The following ZFP1 variants were observed in gnomAD, a reference collection of about 807,000 sequenced individuals.
ZFP1 encodes the protein zinc finger protein 1 homolog.
Under a neutral mutation model 38.5 loss-of-function variants are expected in ZFP1, and 32 were observed. The observed-to-expected ratio is 0.83, with a 90% CI of 0.63 to 1.12. The LOEUF is 1.12. ZFP1 is among the 50% of genes most tolerant of loss of function. ZFP1 has a pLI of 0.00. For missense variants in ZFP1, 616 were observed against 480.8 expected (o/e 1.28, Z -2.63); for synonymous variants, 245 against 168.8 (o/e 1.45, Z -3.50).
intron 2 of ZFP1, among the ~76,000 whole-genome samples, chr16:75,164,138 T>C (rs1740659980): frequency 6.6e-6 from 1 of 152,250 alleles, no homozygotes; most frequent in Admixed American, 6.5e-5. Flanking sequence ...GTTTTCAGGC[T>C]TTGTTACTTT....
chr16:75,142,902 A>T, the ZFP1 span, among the ~76,000 whole-genome samples: 1 of 152,106 alleles, frequency 6.6e-6, no homozygotes, highest in Non-Finnish European at 1.5e-5. Context: ...AGGTTTCACC[A>T]TATTGGCCAG....
the ZFP1 span, among the ~76,000 whole-genome samples, chr16:75,131,432 T>G: frequency 2.6e-5 from 4 of 152,172 alleles, no homozygotes; most frequent in African/African-American, 9.7e-5. Flanking sequence ...TTCTTGAAGC[T>G]AATTCCTAGC....
chr16:75,123,445 GTGTGTATA>G, the ZFP1 span, among the ~76,000 whole-genome samples: 3 of 16,268 alleles, frequency 1.8e-4, no homozygotes, highest in African/African-American at 7.4e-4. Flanking sequence ...GTGTGTGTGT[GTGTGTATA>G]TGTATATATA....
Position 75,169,671 on chromosome 16 carries a change from T to A in ZFP1, c.561T>A (p.Thr187=). 1 of 1,609,122 alleles carries A rather than the reference T, an allele frequency of 6.2e-7. No homozygotes were observed. The highest frequency in any genetic ancestry group is 1.7e-5 in the Admixed American group (1 of 58,568). The change falls in exon 4 of 4, where the codon ACT becomes ACA. Residue 187 remains threonine, a synonymous_variant. Coordinates refer to ENST00000570010, the MANE Select transcript of ZFP1 (RefSeq NM_153688.4). ...IKNLVQPFIC[T]YCDKAFSFKS... Reference sequence around the variant, plus strand: ...ACTTGGTTCAACCTTTCATTTGTACTTACTGTGACAAGGCTTTCTCCTTTA... The same window carrying A: ...ACTTGGTTCAACCTTTCATTTGTACATACTGTGACAAGGCTTTCTCCTTTA...
intron 2 of ZFP1, among the ~76,000 whole-genome samples, chr16:75,161,984 C>T (rs2037814450): frequency 1.3e-5 from 2 of 150,280 alleles, no homozygotes; most frequent in African/African-American, 4.9e-5. Flanking sequence ...AGGGTTTCCC[C>T]ATGTTGGCCA....
chr16:75,141,452 G>T, the ZFP1 span, among the ~76,000 whole-genome samples: 3 of 151,774 alleles, frequency 2.0e-5, no homozygotes, highest in Non-Finnish European at 4.4e-5. Flanking sequence ...TGATCCGCCC[G>T]CCTCGGCCTC....
the ZFP1 span, among the ~76,000 whole-genome samples, chr16:75,120,665 A>G: frequency 1.9e-4 from 29 of 151,796 alleles, no homozygotes; most frequent in South Asian, 5.0e-3. Context: ...GCAGTGGCGC[A>G]ATCTCGGCTC....
At position 75,170,550 on chromosome 16, in the gene ZFP1, A is replaced by C; in HGVS notation, c.*216A>C. ...ACATATCAGAATATATCCAGTTGTA[A>C]ATAGCCATACCCAGTTGTACTACAA... On this transcript the variant is annotated 3_prime_UTR_variant, in exon 4 of 4. Coordinates refer to ENST00000570010, the MANE Select transcript of ZFP1 (RefSeq NM_153688.4). 1 of 593,510 alleles carries C rather than the reference A, an allele frequency of 1.7e-6. No individual in the cohort carries two copies. Among genetic ancestry groups the C allele is most frequent in the Non-Finnish European group, 2.6e-6 (1 of 391,554 alleles). 36.8% of individuals were successfully genotyped at this position (593,510 alleles called of 1,614,324 possible).
chr16:75,120,654 T>G, the ZFP1 span, among the ~76,000 whole-genome samples: 1 of 152,080 alleles, frequency 6.6e-6, no homozygotes, highest in African/African-American at 2.4e-5. Context: ...CAGGCTGGAG[T>G]GCAGTGGCGC....
the ZFP1 span, among the ~76,000 whole-genome samples, chr16:75,135,756 T>TC: frequency 1.4e-5 from 1 of 71,654 alleles, no homozygotes; most frequent in Non-Finnish European, 3.4e-5. Flanking sequence ...CCTATAGAAC[T>TC]TTACCACACT....
At chr16:75,140,994 T>C in the ZFP1 span, among the ~76,000 whole-genome samples, 1 of 151,944 alleles carries the variant, frequency 6.6e-6, no homozygotes, top group African/African-American at 2.4e-5. Flanking sequence ...AGTCTAAACT[T>C]GTCATTCAGA....
At chr16:75,154,679 G>C (rs535677447) in intron 2 of ZFP1, among the ~76,000 whole-genome samples, 5 of 152,104 alleles carry the variant, frequency 3.3e-5, no homozygotes, top group African/African-American at 9.6e-5. Flanking sequence ...ACAGAGGGAG[G>C]GGGGCTCCAA....
At chr16:75,168,779 C>G (rs547758806) in intron 3 of ZFP1, among the ~76,000 whole-genome samples, 1 of 152,162 alleles carries the variant, frequency 6.6e-6, no homozygotes, top group Non-Finnish European at 1.5e-5. Context: ...ACTATGCAGA[C>G]TGGTGCTGGT....
upstream of ZFP1, among the ~76,000 whole-genome samples, chr16:75,145,539 C>T (rs2145479352): frequency 6.6e-6 from 1 of 152,212 alleles, no homozygotes; most frequent in East Asian, 1.9e-4. Context: ...ATCCTGTGCC[C>T]ATAAGAACCC....
the ZFP1 span, among the ~76,000 whole-genome samples, chr16:75,140,184 C>G: frequency 1.3e-5 from 2 of 151,984 alleles, no homozygotes; most frequent in Admixed American, 1.3e-4. Flanking sequence ...AGGAGAATCT[C>G]TTGAACCTGA....
intron 2 of ZFP1, among the ~76,000 whole-genome samples, chr16:75,163,008 C>G (rs2037863298): frequency 6.6e-6 from 1 of 150,936 alleles, no homozygotes. Flanking sequence ...CTCCTGGGTT[C>G]AAGCGATTCT....
intron 3 of ZFP1, among the ~76,000 whole-genome samples, chr16:75,167,238 G>T (rs1299453304): frequency 6.6e-6 from 1 of 152,170 alleles, no homozygotes; most frequent in Non-Finnish European, 1.5e-5. Context: ...GAAGCCAGTG[G>T]AATTAGTATC....
the ZFP1 span, among the ~76,000 whole-genome samples, chr16:75,141,668 CTTGAGACCAGGAAT>C: frequency 6.6e-6 from 1 of 151,668 alleles, no homozygotes. Context: ...GGGAGGATTG[CTTGAGACCAGGAAT>C]TTGAGACCAG....
In ZFP1 at chr16:75,170,605, GTAT is replaced by G; in HGVS notation, c.*273_*275del. 2 of 352,992 alleles carry G rather than the reference GTAT, an allele frequency of 5.7e-6. No homozygotes were observed. The highest frequency in any genetic ancestry group is 1.0e-5 in the Non-Finnish European group (2 of 199,508). The allele number at this position is 352,992 out of a possible 1,614,324, so 21.9% of individuals were successfully genotyped here. ...CTTTTTAAAATCTTGAATGAATTGAGTATTCTAGACAGCAGCATAAGAAATATA... is the reference window on the plus strand; with the variant it reads ...CTTTTTAAAATCTTGAATGAATTGAGTCTAGACAGCAGCATAAGAAATATA... On this transcript the variant is annotated 3_prime_UTR_variant, in exon 4 of 4. Coordinates refer to ENST00000570010, the MANE Select transcript of ZFP1 (RefSeq NM_153688.4).
Sources: gnomAD v4.1 joint callset for allele counts (sites outside exome capture counted in the v4.1 genomes callset) on GRCh38, gnomAD v4.1.1 for gene constraint, MANE v1.5 for transcripts, NCBI Gene and HGNC (gene_info 2026-07-23, HGNC 2026-07-21) for gene names.